The following MMRN1 variants were observed in gnomAD, a reference collection of about 807,000 sequenced individuals.
MMRN1 encodes the protein multimerin-1.
Under a neutral mutation model 100.7 loss-of-function variants are expected in MMRN1, and 94 were observed. That is an observed-to-expected ratio of 0.93 (90% CI 0.79 to 1.11). The LOEUF is 1.11. MMRN1 is among the 50% of genes least tolerant of loss of function. MMRN1 has a pLI of 0.00. For missense variants in MMRN1, 1,606 were observed against 1,439.1 expected (o/e 1.12, Z -1.88); for synonymous variants, 575 against 505.0 (o/e 1.14, Z -1.86).
At position 89,923,260 on chromosome 4, in the gene MMRN1, T is replaced by G. The variant is rs1722148039; in HGVS notation, c.943T>G (p.Cys315Gly). 6.2e-7 allele frequency: 1 copy of G among 1,613,650 alleles called. No individual in the cohort carries two copies. The highest frequency in any genetic ancestry group is 8.5e-7 in the Non-Finnish European group (1 of 1,179,690). Residue 315 changes from cysteine (C) to glycine (G), a missense_variant, in exon 4 of 8, where the codon TGT becomes GGT. Coordinates refer to ENST00000264790, the MANE Select transcript of MMRN1 (RefSeq NM_007351.3). ...GVAEQQQQQG[C>G]GDPEVMQKMT... ...AGCTGAGCAGCAGCAGCAGCAAGGC[T>G]GTGGTGACCCAGGTCATAGATTGTA... is the stretch of plus-strand genomic sequence containing the variant.
rs946126187 is a variant in MMRN1, at chr4:89,909,203, G to A, written c.624-73G>A. The A allele has an allele frequency of 1.1e-5, 16 of 1,486,184 alleles. No homozygotes were observed. In the African/African-American group the frequency reaches 2.1e-4, roughly 20 times the overall value. The allele number at this position is 1,486,184 out of a possible 1,614,324, so 92.1% of individuals were successfully genotyped here. ...GTATGGCAAAAATAAATGTTTGTCT[G>A]TGAAAATAATTTTGATGAAAAGAAT... On this transcript the variant is annotated intron_variant, in intron 1 of 7. Coordinates refer to ENST00000264790, the MANE Select transcript of MMRN1 (RefSeq NM_007351.3).
intron 1 of MMRN1, among the ~76,000 whole-genome samples, chr4:89,884,152 C>A (rs1179281152): frequency 2.0e-5 from 3 of 151,910 alleles, no homozygotes; most frequent in Admixed American, 2.0e-4. Context: ...TATTAACTAT[C>A]CAATTTTTTT....
intron 1 of MMRN1, among the ~76,000 whole-genome samples, chr4:89,903,669 G>A (rs953124387): frequency 4.6e-5 from 7 of 151,722 alleles, no homozygotes; most frequent in African/African-American, 1.7e-4. Flanking sequence ...CACGACAATC[G>A]TGTGAGGTAG....
At chr4:89,887,893 A>T (rs1317366699) in intron 1 of MMRN1, among the ~76,000 whole-genome samples, 1 of 151,868 alleles carries the variant, frequency 6.6e-6, no homozygotes, top group Non-Finnish European at 1.5e-5. Context: ...TTAAAAAAAA[A>T]TTTAATTCAT....
At chr4:89,911,862 A>C (rs117740750) in intron 2 of MMRN1, 82 bp from the exon 3 acceptor site, 466 of 955,782 alleles carry the variant, frequency 4.9e-4, no homozygotes, top group Non-Finnish European at 5.6e-4. Flanking sequence ...GCATTGCCCC[A>C]AAAACTTTAC....
chr4:89,915,737 A>C (rs1304372341), intron 3 of MMRN1, among the ~76,000 whole-genome samples: 1 of 151,650 alleles, frequency 6.6e-6, no homozygotes, highest in African/African-American at 2.4e-5. Flanking sequence ...TCCTGGGAGA[A>C]AAGCAAAAAG....
At chr4:89,897,755 C>G (rs1320361766) in intron 1 of MMRN1, among the ~76,000 whole-genome samples, 3 of 152,150 alleles carry the variant, frequency 2.0e-5, no homozygotes, top group African/African-American at 7.2e-5. Context: ...TGTGCTAGCA[C>G]TGTGCTAGGC....
At chr4:89,924,014 T>C (rs1210597393) in intron 4 of MMRN1, among the ~76,000 whole-genome samples, 1 of 152,174 alleles carries the variant, frequency 6.6e-6, no homozygotes. Context: ...ACCATAATAT[T>C]CTTGAATTAC....
chr4:89,936,078 T>G lies in MMRN1; in HGVS notation c.2398T>G (p.Leu800Val), dbSNP rs1230222009. ...VNDNQRYNFV[L>V]QVAKTLAGIP... is the part of the protein sequence containing the mutation. ...TGACAATCAGAGATATAACTTTGTT[T>G]TGCAAGTCGCCAAGACCCTTGCAGG... The change falls in exon 6 of 8, where the codon TTG becomes GTG. Residue 800 changes from leucine to valine, a missense_variant. Coordinates refer to ENST00000264790, the MANE Select transcript of MMRN1 (RefSeq NM_007351.3). 2.5e-6 allele frequency: 4 copies of G among 1,611,836 alleles called. No individual in the cohort carries two copies. In the South Asian group the frequency reaches 4.4e-5, roughly 18 times the overall value.
At chr4:89,911,358 CCCTTCTCTCTCTCTGT>C (rs1389112813) in intron 2 of MMRN1, among the ~76,000 whole-genome samples, 3 of 151,288 alleles carry the variant, frequency 2.0e-5, no homozygotes, top group Non-Finnish European at 4.4e-5. Flanking sequence ...CATATTACAT[CCCTTCTCTCTCTCTGT>C]CCTTCTCTCT....
At chr4:89,890,787 T>A (rs1327823252), upstream of MMRN1, among the ~76,000 whole-genome samples, 1 of 152,140 alleles carries the variant, frequency 6.6e-6, no homozygotes, top group African/African-American at 2.4e-5. Flanking sequence ...TACATTCATT[T>A]TCTCATGAGG....
chr4:89,896,866 A>C (rs1384690646), intron 1 of MMRN1, among the ~76,000 whole-genome samples: 1 of 152,200 alleles, frequency 6.6e-6, no homozygotes, highest in African/African-American at 2.4e-5. Context: ...ATCTGATTGT[A>C]ACTAAAAAAG....
At chr4:89,943,981 CA>C (rs543952532) in intron 6 of MMRN1, among the ~76,000 whole-genome samples, 148 of 125,624 alleles carry the variant, frequency 1.2e-3, no homozygotes, top group Admixed American at 1.7e-3. Flanking sequence ...GACTCTGTCT[CA>C]AAAAAAAAAA....
chr4:89,924,088 T>C (rs1722171654), intron 4 of MMRN1, among the ~76,000 whole-genome samples: 1 of 152,216 alleles, frequency 6.6e-6, no homozygotes, highest in African/African-American at 2.4e-5. Context: ...AACTAAATTA[T>C]GAGTCTCTTT....
At chr4:89,881,260 A>G (rs1720808611) in intron 1 of MMRN1, among the ~76,000 whole-genome samples, 1 of 152,172 alleles carries the variant, frequency 6.6e-6, no homozygotes, top group South Asian at 2.1e-4. Context: ...AATCTGGCAC[A>G]TACTTACTTC....
chr4:89,952,925 G>A, intron 7 of MMRN1, 72 bp from the exon 8 acceptor site: 1 of 1,390,792 alleles, frequency 7.2e-7, no homozygotes, highest in Non-Finnish European at 9.6e-7. Flanking sequence ...AGATAAAAAT[G>A]ACGAAGATAT....
At chr4:89,940,762 G>T (rs1416907591) in intron 6 of MMRN1, among the ~76,000 whole-genome samples, 1 of 152,006 alleles carries the variant, frequency 6.6e-6, no homozygotes, top group Admixed American at 6.6e-5. Flanking sequence ...ACTATATGAT[G>T]CAATTTTCTT....
intron 6 of MMRN1, among the ~76,000 whole-genome samples, chr4:89,942,347 T>C (rs1722859743): frequency 6.6e-6 from 1 of 152,194 alleles, no homozygotes; most frequent in Non-Finnish European, 1.5e-5. Context: ...AAAATTGTAC[T>C]CAATAGTATT....
intron 6 of MMRN1, among the ~76,000 whole-genome samples, chr4:89,950,959 C>G (rs1241069135): frequency 2.6e-5 from 4 of 151,830 alleles, no homozygotes; most frequent in South Asian, 4.2e-4. Context: ...AATTTTGTAA[C>G]TTATCATTAA....
Sources: allele counts gnomAD v4.1 joint callset (sites outside exome capture counted in the v4.1 genomes callset), GRCh38; gene constraint gnomAD v4.1.1; transcripts MANE v1.5; gene names NCBI Gene and HGNC (gene_info 2026-07-23, HGNC 2026-07-21).